Variants in GREB1L observed in about 807,000 individuals in gnomAD.
GREB1L encodes the protein GREB1 like retinoic acid receptor coactivator.
Under a neutral mutation model 200.8 loss-of-function variants are expected in GREB1L, and 17 were observed. That is an observed-to-expected ratio of 0.08 (90% CI 0.06 to 0.13). The LOEUF (loss-of-function observed/expected upper bound fraction) is 0.13, where lower values mean the gene tolerates loss of function less well. Among genes scored for constraint, GREB1L ranks in the 10% least tolerant of loss-of-function variants. The probability of loss-of-function intolerance (pLI) is 1.00; values close to 1 mark genes in which losing one functional copy is unlikely to be tolerated. For missense variants in GREB1L, 1,657 were observed against 2,367.7 expected (o/e 0.70, Z 6.23); for synonymous variants, 789 against 893.0 (o/e 0.88, Z 2.08).
chr18:21,437,110 G>T (rs1264806433), intron 7 of GREB1L, among the ~76,000 whole-genome samples: 1 of 152,054 alleles, frequency 6.6e-6, no homozygotes. Context: ...TTTCTTAATT[G>T]TAGAGACAGT....
chr18:21,357,484 GATGCA>G (rs2039522437), intron 1 of GREB1L, among the ~76,000 whole-genome samples: 1 of 152,188 alleles, frequency 6.6e-6, no homozygotes, highest in Admixed American at 6.5e-5. Flanking sequence ...TGTTTAATTT[GATGCA>G]ATCTCATTTG....
chr18:21,326,729 C>T (rs2039028247), intron 1 of GREB1L, among the ~76,000 whole-genome samples: 1 of 152,200 alleles, frequency 6.6e-6, no homozygotes, highest in Non-Finnish European at 1.5e-5. Context: ...AAGACTGCTA[C>T]TGCCTTCTGA....
intron 7 of GREB1L, among the ~76,000 whole-genome samples, chr18:21,408,124 C>A (rs2030497709): frequency 6.7e-6 from 1 of 148,386 alleles, no homozygotes; most frequent in Non-Finnish European, 1.5e-5. Context: ...TGAATGTTCC[C>A]AATACACACA....
chr18:21,411,833 C>T (rs1321176139), intron 7 of GREB1L, among the ~76,000 whole-genome samples: 2 of 151,458 alleles, frequency 1.3e-5, no homozygotes, highest in Admixed American at 1.3e-4. Context: ...ATCATGAGGT[C>T]AGGAGATCGA....
At chr18:21,321,925 C>T (rs1307867820) in intron 1 of GREB1L, among the ~76,000 whole-genome samples, 1 of 152,140 alleles carries the variant, frequency 6.6e-6, no homozygotes, top group African/African-American at 2.4e-5. Context: ...CCCAAACCAG[C>T]GTCATGCTTA....
Position 21,348,097 on chromosome 18 carries a change from A to G in GREB1L, c.-119-17930A>G, listed in dbSNP as rs545319474. On this transcript the variant is annotated intron_variant, in intron 1 of 32. Transcript: ENST00000424526. ...GTAGCTGGGACTACAGGCACCCACCACCATGCCCGGCTAATTTTTTTGTAT... is the reference window on the plus strand; with the variant it reads ...GTAGCTGGGACTACAGGCACCCACCGCCATGCCCGGCTAATTTTTTTGTAT... Among the ~76,000 whole-genome samples the G allele has an allele frequency of 3.6e-3, 546 of 151,282 alleles. 2 individuals carry two copies. The highest frequency in any genetic ancestry group is 9.7e-3 in the South Asian group (46 of 4,766).
intron 16 of GREB1L, among the ~76,000 whole-genome samples, chr18:21,476,600 A>G (rs1349337278): frequency 6.6e-6 from 1 of 151,466 alleles, no homozygotes; most frequent in African/African-American, 2.4e-5. Flanking sequence ...TAAACAGTCT[A>G]GCTGTGTTGC....
intron 2 of GREB1L, among the ~76,000 whole-genome samples, chr18:21,367,356 T>A (rs909267467): frequency 1.2e-4 from 18 of 152,332 alleles, no homozygotes; most frequent in African/African-American, 3.6e-4. Context: ...TGAAGTGTAC[T>A]TTGCTTTTCA....
At chr18:21,410,525 A>G (rs1381556446) in intron 7 of GREB1L, among the ~76,000 whole-genome samples, 2 of 151,726 alleles carry the variant, frequency 1.3e-5, no homozygotes, top group Non-Finnish European at 2.9e-5. Context: ...TGTGGTGGCA[A>G]GTGTCTGTAG....
intron 16 of GREB1L, among the ~76,000 whole-genome samples, chr18:21,475,218 C>T (rs765560857): frequency 6.6e-6 from 1 of 152,176 alleles, no homozygotes; most frequent in Non-Finnish European, 1.5e-5. Context: ...GGCCTTGCTT[C>T]TTTTCCTTCC....
intron 4 of GREB1L, among the ~76,000 whole-genome samples, chr18:21,388,126 G>C (rs927876797): frequency 6.6e-6 from 1 of 152,082 alleles, no homozygotes; most frequent in African/African-American, 2.4e-5. Flanking sequence ...GCATGGAGTT[G>C]ATTTCTTCTG....
intron 1 of GREB1L, among the ~76,000 whole-genome samples, chr18:21,276,274 C>T (rs1164398712): frequency 6.6e-6 from 1 of 152,160 alleles, no homozygotes; most frequent in Non-Finnish European, 1.5e-5. Flanking sequence ...TTTTTAAGAC[C>T]CATTCTCTGA....
intron 1 of GREB1L, among the ~76,000 whole-genome samples, chr18:21,289,546 G>C (rs6508316): frequency 0.042 from 6,320 of 150,890 alleles, 449 homozygotes; most frequent in African/African-American, 0.15. Flanking sequence ...ATCCCCCCCC[G>C]CAAAAAAAAG....
intron 10 of GREB1L, among the ~76,000 whole-genome samples, chr18:21,443,454 G>A (rs543893989): frequency 6.6e-6 from 1 of 152,102 alleles, no homozygotes; most frequent in Non-Finnish European, 1.5e-5. Flanking sequence ...TGATCCACCC[G>A]CCTGGGCCTC....
chr18:21,457,500 T>C (rs2034822506), intron 15 of GREB1L, among the ~76,000 whole-genome samples: 1 of 152,176 alleles, frequency 6.6e-6, no homozygotes, highest in Admixed American at 6.5e-5. Flanking sequence ...ATCCTACCAT[T>C]CAAGGGTAAC....
chr18:21,362,642 G>C (rs1204993890), intron 1 of GREB1L, among the ~76,000 whole-genome samples: 3 of 152,064 alleles, frequency 2.0e-5, no homozygotes, highest in Admixed American at 2.0e-4. Context: ...TCTAAAAACG[G>C]GTTGTTAATC....
chr18:21,327,916 A>C (rs1301885936), intron 1 of GREB1L, among the ~76,000 whole-genome samples: 1 of 151,878 alleles, frequency 6.6e-6, no homozygotes, highest in African/African-American at 2.4e-5. Flanking sequence ...GGGTTTCACC[A>C]TGTTGGCCAG....
chr18:21,500,289 C>T lies in GREB1L; in HGVS notation c.3952C>T (p.Leu1318=). 7.5e-7 allele frequency: 1 copy of T among 1,325,712 alleles called. No individual in the cohort carries two copies. Among genetic ancestry groups the T allele is most frequent in the Middle Eastern group, 1.8e-4 (1 of 5,464 alleles). The allele number at this position is 1,325,712 out of a possible 1,614,324, so 82.1% of individuals were successfully genotyped here. Residue 1318 remains leucine (L), a synonymous_variant, in exon 22 of 33, where the codon CTG becomes TTG. Transcript: ENST00000424526. Reference sequence around the variant, plus strand: ...AAACTTCCACCCCCGACGGCTCCTGCTGACAGGGCCCCCACAGGTAGGGCC... The same window carrying T: ...AAACTTCCACCCCCGACGGCTCCTGTTGACAGGGCCCCCACAGGTAGGGCC... ...TRNFHPRRLL[L]TGPPQVGKTG... is the part of the protein sequence containing the mutation.
intron 7 of GREB1L, among the ~76,000 whole-genome samples, chr18:21,425,511 A>G (rs1405093333): frequency 1.3e-5 from 2 of 152,224 alleles, no homozygotes; most frequent in African/African-American, 4.8e-5. Flanking sequence ...TTCTACCAGC[A>G]ATGTGTGAGG....
Sources: gnomAD v4.1 joint callset for allele counts (sites outside exome capture counted in the v4.1 genomes callset) on GRCh38, gnomAD v4.1.1 for gene constraint, MANE v1.5 for transcripts, NCBI Gene and HGNC (gene_info 2026-07-23, HGNC 2026-07-21) for gene names.